PIAS2: variants seen among roughly 807,000 people sequenced by gnomAD.
PIAS2 encodes the protein protein inhibitor of activated STAT 2, also known as E3 SUMO-protein ligase PIAS2.
A neutral mutation model predicts 69.7 loss-of-function variants in PIAS2; 19 were observed. That is an observed-to-expected ratio of 0.27 (90% CI 0.19 to 0.40). The LOEUF is 0.40. PIAS2 is among the 10% of genes least tolerant of loss of function. The pLI, the probability that PIAS2 is intolerant of heterozygous loss-of-function variation, is 1.00. For missense variants in PIAS2, 624 were observed against 757.0 expected (o/e 0.82, Z 2.06); for synonymous variants, 261 against 263.2 (o/e 0.99, Z 0.08).
intron 2 of PIAS2, among the ~76,000 whole-genome samples, chr18:46,869,797 T>G (rs1460769463): frequency 6.6e-6 from 1 of 152,188 alleles, no homozygotes; most frequent in Non-Finnish European, 1.5e-5. Context: ...AAATGAGGAT[T>G]GAATTTGTCA....
chr18:46,806,217 C>G lies in PIAS2; in HGVS notation c.*6216G>C, dbSNP rs1007788323. 1 of 152,110 alleles carries G rather than the reference C, an allele frequency of 6.6e-6. No homozygotes were observed. Among genetic ancestry groups the G allele is most frequent in the Non-Finnish European group, 1.5e-5 (1 of 68,038 alleles). The allele number at this position is 152,110 out of a possible 1,614,324, so 9.4% of individuals were successfully genotyped here. The stretch of plus-strand genomic sequence containing the variant: ...AGTCTAGGTCAGACTCCCAAGTCCA[C>G]TACTCATTCACTGTGACCTTGGGAA... On this transcript the variant is annotated 3_prime_UTR_variant, in exon 14 of 14. Transcript: ENST00000585916.
intron 2 of PIAS2, among the ~76,000 whole-genome samples, chr18:46,889,328 C>A (rs72913076): frequency 0.077 from 11,693 of 152,122 alleles, 489 homozygotes; most frequent in African/African-American, 0.1. Flanking sequence ...AATATTTGCA[C>A]ATTCATATAT....
intron 12 of PIAS2, chr18:46,817,116 GTT>G: frequency 1.1e-6 from 1 of 946,654 alleles, no homozygotes; most frequent in Non-Finnish European, 1.3e-6. Flanking sequence ...TATCTTTTCA[GTT>G]TTTCAGTTTT....
chr18:46,812,428 C>T lies in PIAS2; in HGVS notation c.*5G>A. 1 of 1,586,944 alleles carries T rather than the reference C, an allele frequency of 6.3e-7. No individual in the cohort carries two copies. Among genetic ancestry groups the T allele is most frequent in the Non-Finnish European group, 8.6e-7 (1 of 1,159,018 alleles). On this transcript the variant is annotated 3_prime_UTR_variant, in exon 14 of 14. Transcript: ENST00000585916. ...AATGATTCCCAGAATCAAGTGAGTCCTCCTTTAGTCCAATGAGATGATGTC... is the reference window on the plus strand; with the variant it reads ...AATGATTCCCAGAATCAAGTGAGTCTTCCTTTAGTCCAATGAGATGATGTC...
intron 1 of PIAS2, among the ~76,000 whole-genome samples, chr18:46,893,916 A>G (rs895314189): frequency 6.6e-6 from 1 of 152,188 alleles, no homozygotes; most frequent in African/African-American, 2.4e-5. Flanking sequence ...ATTTGAGGTC[A>G]GGAGTTCAAG....
At chr18:46,837,078 C>T (rs1356167105) in intron 8 of PIAS2, among the ~76,000 whole-genome samples, 3 of 152,074 alleles carry the variant, frequency 2.0e-5, no homozygotes, top group Non-Finnish European at 4.4e-5. Context: ...ACAAACAATG[C>T]TGTAATGAAT....
At chr18:46,832,439 A>G (rs2043783820) in intron 9 of PIAS2, among the ~76,000 whole-genome samples, 1 of 151,090 alleles carries the variant, frequency 6.6e-6, no homozygotes, top group African/African-American at 2.4e-5. Flanking sequence ...AAACAAACAA[A>G]CAAAAAAAAG....
At chr18:46,892,089 C>T (rs932336702) in intron 1 of PIAS2, among the ~76,000 whole-genome samples, 1 of 152,020 alleles carries the variant, frequency 6.6e-6, no homozygotes, top group South Asian at 2.1e-4. Flanking sequence ...CAACCCAGCC[C>T]GTGCTACACA....
At chr18:46,847,798 T>C (rs2046375933) in intron 5 of PIAS2, among the ~76,000 whole-genome samples, 1 of 152,158 alleles carries the variant, frequency 6.6e-6, no homozygotes, top group African/African-American at 2.4e-5. Context: ...TCGTTTTAAA[T>C]AGCAAGTATA....
At chr18:46,824,725 C>T (rs921586085) in intron 11 of PIAS2, among the ~76,000 whole-genome samples, 11 of 151,454 alleles carry the variant, frequency 7.3e-5, no homozygotes, top group Admixed American at 4.0e-4. Flanking sequence ...ACAGGCCAGG[C>T]GTGGTGGCTT....
At chr18:46,913,416 T>C (rs149520226) in intron 1 of PIAS2, among the ~76,000 whole-genome samples, 10 of 152,196 alleles carry the variant, frequency 6.6e-5, no homozygotes, top group Admixed American at 2.0e-4. Flanking sequence ...CCAGTATCTA[T>C]TGATAAAGTT....
chr18:46,887,406 G>A (rs781020773), intron 2 of PIAS2, among the ~76,000 whole-genome samples: 11 of 152,154 alleles, frequency 7.2e-5, no homozygotes, highest in Non-Finnish European at 1.0e-4. Context: ...ACACTGATAT[G>A]TTTAAGTGTT....
intron 1 of PIAS2, chr18:46,900,942 C>A: frequency 3.1e-6 from 1 of 318,648 alleles, no homozygotes; most frequent in Non-Finnish European, 6.0e-6. Context: ...CCATTGTACT[C>A]CAGCCTGGGT....
At chr18:46,904,266 G>A (rs952891694) in intron 1 of PIAS2, 1 of 152,038 alleles carries the variant, frequency 6.6e-6, no homozygotes, top group Non-Finnish European at 1.5e-5. Flanking sequence ...AGAAATGCAA[G>A]TGAACTGACA....
intron 12 of PIAS2, chr18:46,815,639 T>C: frequency 4.7e-6 from 5 of 1,061,816 alleles, no homozygotes; most frequent in Non-Finnish European, 5.7e-6. Context: ...CTTTGCCGCT[T>C]AACAGAATGA....
Position 46,827,720 on chromosome 18 carries a change from A to G in PIAS2, c.1508+239T>C, listed in dbSNP as rs2043020394. On this transcript the variant is annotated intron_variant, in intron 11 of 13. Transcript: ENST00000585916. ...ACAAACAGGTTCAAGAAAATAACAAAAAGTCTCAGGTAGGAAATAAATACC... is the reference window on the plus strand; with the variant it reads ...ACAAACAGGTTCAAGAAAATAACAAGAAGTCTCAGGTAGGAAATAAATACC... The G allele has an allele frequency of 1.8e-5, 7 of 380,696 alleles. No homozygotes were observed. The Middle Eastern group carries it at 2.2e-3, about 119-fold the overall frequency. The allele number at this position is 380,696 out of a possible 1,614,324, so 23.6% of individuals were successfully genotyped here.
At chr18:46,889,876 G>C (rs1222511211) in intron 2 of PIAS2, among the ~76,000 whole-genome samples, 1 of 152,184 alleles carries the variant, frequency 6.6e-6, no homozygotes, top group Non-Finnish European at 1.5e-5. Context: ...AAATATAGAA[G>C]TAAAACCAGA....
At chr18:46,841,744 C>G (rs1456928526) in intron 8 of PIAS2, among the ~76,000 whole-genome samples, 2 of 152,206 alleles carry the variant, frequency 1.3e-5, no homozygotes, top group Admixed American at 6.5e-5. Flanking sequence ...CCTGTTGTCA[C>G]TTCTGAGCAG....
rs561607561 is a variant in PIAS2 at position 46,819,344 on chromosome 18, AC to A, written c.1648+1588del. Among the ~76,000 whole-genome samples the A allele has an allele frequency of 1.4e-4, 21 of 152,276 alleles. No homozygotes were observed. The East Asian group carries it at 3.9e-3, about 28-fold the overall frequency. ...TACCTTGGCATTAGACTTTGTATAT[AC>A]TTTACAAATACTTTACAATTTGTGC... On this transcript the variant is annotated intron_variant, in intron 12 of 13. Coordinates refer to ENST00000585916, the MANE Select transcript of PIAS2 (RefSeq NM_004671.5).
Sources: allele counts gnomAD v4.1 joint callset (sites outside exome capture counted in the v4.1 genomes callset), GRCh38; gene constraint gnomAD v4.1.1; transcripts MANE v1.5; gene names NCBI Gene and HGNC (gene_info 2026-07-23, HGNC 2026-07-21).